Variants in MARK1 observed in about 807,000 individuals in gnomAD.
MARK1 encodes serine/threonine-protein kinase MARK1.
In MARK1, 40 loss-of-function variants were observed where a neutral mutation model predicts 96.3. The observed-to-expected ratio is 0.42, with a 90% CI of 0.32 to 0.54. MARK1 has a LOEUF of 0.54. Among genes scored for constraint, MARK1 ranks in the 20% least tolerant of loss-of-function variants. The pLI is 0.16. For missense variants in MARK1, 719 were observed against 984.6 expected, an observed-to-expected ratio of 0.73 and a Z score of 3.61; for synonymous variants, 317 against 341.2, an observed-to-expected ratio of 0.93 and a Z score of 0.78.
chr1:220,628,041 A>G (rs1667449007), intron 9 of MARK1: 1 of 152,148 alleles, frequency 6.6e-6, no homozygotes, highest in Admixed American at 6.5e-5. Context: ...GTACATTTCT[A>G]TACAAAAAAA....
intron 1 of MARK1, among the ~76,000 whole-genome samples, chr1:220,576,389 G>A (rs767881803): frequency 1.1e-4 from 16 of 147,394 alleles, no homozygotes; most frequent in African/African-American, 2.5e-4. Context: ...CTTGGGACTC[G>A]CATACCATCA....
At chr1:220,601,197 C>G (rs929784766) in intron 5 of MARK1, among the ~76,000 whole-genome samples, 1 of 152,042 alleles carries the variant, frequency 6.6e-6, no homozygotes, top group African/African-American at 2.4e-5. Flanking sequence ...GGATTACAGG[C>G]ATTAGCCACC....
chr1:220,632,471 G>A (rs1558311579), intron 11 of MARK1, among the ~76,000 whole-genome samples, 158 bp downstream of exon 11: 2 of 152,154 alleles, frequency 1.3e-5, no homozygotes, highest in South Asian at 2.1e-4. Context: ...TGAACTGGTT[G>A]TATTTCTGGG....
At chr1:220,556,359 T>C (rs753472336) in intron 1 of MARK1, among the ~76,000 whole-genome samples, 6 of 152,060 alleles carry the variant, frequency 3.9e-5, no homozygotes, top group Non-Finnish European at 8.8e-5. Context: ...CCATGCTATA[T>C]GTCGAGTAGA....
intron 1 of MARK1, among the ~76,000 whole-genome samples, chr1:220,579,119 G>A (rs1263958096): frequency 6.6e-6 from 1 of 152,088 alleles, no homozygotes; most frequent in Non-Finnish European, 1.5e-5. Context: ...TGGGATTACA[G>A]GCATGAGCCA....
At chr1:220,532,599 A>G (rs1220903758) in intron 1 of MARK1, among the ~76,000 whole-genome samples, 3 of 152,210 alleles carry the variant, frequency 2.0e-5, no homozygotes, top group Admixed American at 2.0e-4. Flanking sequence ...GACCTACCCA[A>G]GGTTAATAAT....
At chr1:220,555,511 A>G (rs1662185614) in intron 1 of MARK1, among the ~76,000 whole-genome samples, 1 of 152,194 alleles carries the variant, frequency 6.6e-6, no homozygotes. Flanking sequence ...TGGATTCGTG[A>G]CGTGTTTTGG....
At chr1:220,609,012 C>T (rs1666267685) in intron 6 of MARK1, among the ~76,000 whole-genome samples, 1 of 152,176 alleles carries the variant, frequency 6.6e-6, no homozygotes, top group Non-Finnish European at 1.5e-5. Flanking sequence ...CAAAGTGATG[C>T]TGAGAAGAAT....
intron 1 of MARK1, among the ~76,000 whole-genome samples, chr1:220,535,126 A>C (rs1357617870): frequency 6.6e-6 from 1 of 151,992 alleles, no homozygotes; most frequent in East Asian, 1.9e-4. Context: ...TTTTTTGAGG[A>C]GACTTCATAT....
In MARK1 at chr1:220,547,627, C is replaced by T. The variant is rs150067554; in HGVS notation, c.51+18754C>T. ...CCACCCAGGCTGGAGTGCAGTGGTG[C>T]GATCTCAGCTCACTGCAAGCTCCAC... On this transcript the variant is annotated intron_variant, in intron 1 of 17. Transcript: ENST00000366917. Among the ~76,000 whole-genome samples the T allele has an allele frequency of 1.6e-3, 242 of 152,048 alleles. 1 individual carries two copies. Among genetic ancestry groups the T allele is most frequent in the African/African-American group, 5.0e-3 (209 of 41,478 alleles).
intron 5 of MARK1, among the ~76,000 whole-genome samples, chr1:220,601,154 G>A (rs867754155): frequency 6.6e-6 from 1 of 151,928 alleles, no homozygotes; most frequent in African/African-American, 2.4e-5. Flanking sequence ...TCCTGACCTC[G>A]TGATCTGCCT....
chr1:220,644,465 AC>A (rs1668473136), intron 13 of MARK1, among the ~76,000 whole-genome samples: 1 of 111,080 alleles, frequency 9.0e-6, no homozygotes, highest in Admixed American at 9.8e-5. Flanking sequence ...CCCCCCCCAC[AC>A]ACACACAATA....
Position 220,654,952 on chromosome 1 carries a change from T to C in MARK1, c.1988+1600T>C, listed in dbSNP as rs554078091. 1.3e-5 allele frequency among the ~76,000 whole-genome samples: 2 copies of C among 152,354 alleles called. No individual in the cohort carries two copies. The highest frequency in any genetic ancestry group is 2.1e-4 in the South Asian group (1 of 4,826). On this transcript the variant is annotated intron_variant, in intron 16 of 17. Coordinates refer to ENST00000366917, the MANE Select transcript of MARK1 (RefSeq NM_018650.5). This position sits in a 1 kb window ranked among gnomAD's most constrained non-coding sequence, Gnocchi z 4.0. ...GGAGGTTCTGATAAAGATTGCCATATAGTCTTTGAACACATATGTGGAGAC... is the reference window on the plus strand; with the variant it reads ...GGAGGTTCTGATAAAGATTGCCATACAGTCTTTGAACACATATGTGGAGAC...
chr1:220,635,744 GGATAATTT>G, intron 12 of MARK1, 81 bp from the exon 13 acceptor site: 1 of 1,235,540 alleles, frequency 8.1e-7, no homozygotes, highest in Non-Finnish European at 1.1e-6. Flanking sequence ...ATGCAAATAT[GGATAATTT>G]TAATACAGAG....
intron 9 of MARK1, chr1:220,626,313 C>A (rs1667330145): frequency 2.0e-5 from 11 of 545,636 alleles, no homozygotes; most frequent in South Asian, 1.6e-4. Context: ...CAGACTGGGT[C>A]ATGACTATGT....
At chr1:220,570,213 G>A (rs1663347878) in intron 1 of MARK1, among the ~76,000 whole-genome samples, 1 of 152,068 alleles carries the variant, frequency 6.6e-6, no homozygotes, top group Non-Finnish European at 1.5e-5. Flanking sequence ...AATATGATGT[G>A]TGGTGTTTCC....
At position 220,556,357 on chromosome 1, in the gene MARK1, T is replaced by C. The variant is rs113392230; in HGVS notation, c.52-22997T>C. On this transcript the variant is annotated intron_variant, in intron 1 of 17. Transcript: ENST00000366917. ...AAATGAAAACATCAGCTCCATGCTA[T>C]ATGTCGAGTAGAAACCCCAAACTAT... Among the ~76,000 whole-genome samples the C allele has an allele frequency of 3.6e-3, 549 of 152,144 alleles. 5 individuals carry two copies. Among genetic ancestry groups the C allele is most frequent in the African/African-American group, 0.013 (519 of 41,496 alleles).
chr1:220,605,632 A>AT (rs1264860498), intron 6 of MARK1, among the ~76,000 whole-genome samples: 1 of 151,932 alleles, frequency 6.6e-6, no homozygotes, highest in Non-Finnish European at 1.5e-5. Context: ...CATCATTTAC[A>AT]TTAGGTATTT....
chr1:220,540,159 A>G (rs1436752004), intron 1 of MARK1, among the ~76,000 whole-genome samples: 1 of 152,160 alleles, frequency 6.6e-6, no homozygotes, highest in Non-Finnish European at 1.5e-5. Flanking sequence ...TAGATATATG[A>G]GAAGATTTAT....
Sources: gnomAD v4.1 joint callset for allele counts (sites outside exome capture counted in the v4.1 genomes callset) on GRCh38, gnomAD v4.1.1 for gene constraint, Gnocchi (gnomAD v3.1) non-coding constraint, MANE v1.5 for transcripts, NCBI Gene and HGNC (gene_info 2026-07-23, HGNC 2026-07-21) for gene names.